The following ULK4 variants were observed in gnomAD, a reference collection of about 807,000 sequenced individuals.
ULK4 encodes inactive serine/threonine-protein kinase ULK4.
ULK4 carries 133 observed loss-of-function variants against 160.6 expected under a neutral mutation model. The ratio of observed to expected loss-of-function variants is 0.83; its 90% CI spans 0.72 to 0.96. ULK4 has a LOEUF of 0.96. Ranked by LOEUF, ULK4 falls within the 40% of genes least tolerant of loss-of-function variation. The pLI, the probability that ULK4 is intolerant of heterozygous loss-of-function variation, is 0.00. For synonymous variants in ULK4, 534 were observed against 539.8 expected (o/e 0.99, Z 0.15); for missense variants, 1,580 against 1,499.5 (o/e 1.05, Z -0.89).
At chr3:41,584,298 C>CT in intron 31 of ULK4, among the ~76,000 whole-genome samples, 1 of 152,094 alleles carries the variant, frequency 6.6e-6, no homozygotes, top group South Asian at 2.1e-4. Flanking sequence ...GATATAATAA[C>CT]TTTTTTCTTT....
chr3:41,819,736 A>T (rs1270390625), intron 18 of ULK4, among the ~76,000 whole-genome samples: 2 of 152,218 alleles, frequency 1.3e-5, no homozygotes, highest in African/African-American at 4.8e-5. Flanking sequence ...TGTGGGTAAG[A>T]TCCCCTCATT....
At chr3:41,401,084 T>G (rs1575515374) in intron 34 of ULK4, among the ~76,000 whole-genome samples, 1 of 152,026 alleles carries the variant, frequency 6.6e-6, no homozygotes, top group Admixed American at 6.6e-5. Flanking sequence ...AGTCTGTAGC[T>G]TGCCTTTTCA....
chr3:41,611,647 A>C (rs2032682903), intron 31 of ULK4, among the ~76,000 whole-genome samples: 1 of 151,594 alleles, frequency 6.6e-6, no homozygotes, highest in Admixed American at 6.6e-5. Context: ...TCAAGTTTCC[A>C]GTACATGCCC....
intron 31 of ULK4, among the ~76,000 whole-genome samples, chr3:41,574,445 G>A (rs1444668598): frequency 6.7e-6 from 1 of 149,828 alleles, no homozygotes; most frequent in Admixed American, 6.7e-5. Flanking sequence ...CTAACATCAG[G>A]CAATTGGCAT....
At chr3:41,788,714 G>T (rs9852020) in intron 21 of ULK4, among the ~76,000 whole-genome samples, 26,277 of 151,364 alleles carry the variant, frequency 0.17, 5,949 homozygotes, top group African/African-American at 0.52. Context: ...AAAAGAAAAA[G>T]AAAATGACTG....
chr3:41,531,627 T>C (rs1256913109), intron 32 of ULK4, among the ~76,000 whole-genome samples: 4 of 152,184 alleles, frequency 2.6e-5, no homozygotes, highest in Non-Finnish European at 4.4e-5. Flanking sequence ...AAGTGTGGTA[T>C]TACTATAATT....
chr3:41,430,444 T>C, intron 34 of ULK4, among the ~76,000 whole-genome samples: 1 of 152,182 alleles, frequency 6.6e-6, no homozygotes, highest in East Asian at 1.9e-4. Flanking sequence ...TACTGTGAGC[T>C]CTGCTTCGTG....
intron 35 of ULK4, among the ~76,000 whole-genome samples, chr3:41,295,477 G>T (rs1166643824): frequency 7.5e-6 from 1 of 132,734 alleles, no homozygotes; most frequent in Non-Finnish European, 1.7e-5. Context: ...TGATAAGCTG[G>T]GTTTTGTTAA....
chr3:41,698,207 T>G (rs1160696252), intron 27 of ULK4, among the ~76,000 whole-genome samples: 1 of 152,200 alleles, frequency 6.6e-6, no homozygotes, highest in Non-Finnish European at 1.5e-5. Context: ...TGTATCTCCA[T>G]CTTTAAGCAA....
rs1301800775 is a variant in ULK4 at position 41,347,105 on chromosome 3, G to T, written c.3678+50974C>A. Among the ~76,000 whole-genome samples, 3 of 152,076 alleles carry T rather than the reference G, an allele frequency of 2.0e-5. No homozygotes were observed. The East Asian group carries it at 5.8e-4, about 29-fold the overall frequency. On this transcript the variant is annotated intron_variant, in intron 35 of 36. Coordinates refer to ENST00000301831, the MANE Select transcript of ULK4 (RefSeq NM_017886.4). The stretch of plus-strand genomic sequence containing the variant: ...AACCCACATAGGATTCATAAGTAAA[G>T]ATTTATACCTTTTTCTGAATAAAGC...
chr3:41,698,234 C>T (rs2036562430), intron 27 of ULK4, among the ~76,000 whole-genome samples: 1 of 152,210 alleles, frequency 6.6e-6, no homozygotes, highest in Non-Finnish European at 1.5e-5. Context: ...ACTGTATATA[C>T]AAGCTGAGCA....
At chr3:41,389,378 G>A (rs564983862) in intron 35 of ULK4, among the ~76,000 whole-genome samples, 7 of 152,194 alleles carry the variant, frequency 4.6e-5, no homozygotes, top group African/African-American at 1.7e-4. Context: ...TCTCCTGCCT[G>A]ATTACCCTGG....
chr3:41,887,217 G>A (rs1244687129), intron 16 of ULK4, among the ~76,000 whole-genome samples: 1 of 152,168 alleles, frequency 6.6e-6, no homozygotes, highest in Non-Finnish European at 1.5e-5. Context: ...TCTTATGCCT[G>A]GTAGGCACAA....
intron 25 of ULK4, among the ~76,000 whole-genome samples, chr3:41,713,507 G>T (rs2037170785): frequency 6.6e-6 from 1 of 152,100 alleles, no homozygotes; most frequent in South Asian, 2.1e-4. Flanking sequence ...AATAATTCAA[G>T]AATTCTGGGA....
intron 22 of ULK4, among the ~76,000 whole-genome samples, chr3:41,749,647 A>C (rs990446685): frequency 1.3e-5 from 2 of 152,186 alleles, no homozygotes; most frequent in African/African-American, 4.8e-5. Flanking sequence ...TGATGGGTTT[A>C]TTGAAATGTA....
chr3:41,347,849 T>C (rs1220972495), intron 35 of ULK4, among the ~76,000 whole-genome samples: 3 of 152,154 alleles, frequency 2.0e-5, no homozygotes, highest in Admixed American at 6.5e-5. Context: ...TACCTGTTAC[T>C]TGTATGCGCA....
intron 30 of ULK4, among the ~76,000 whole-genome samples, chr3:41,653,622 G>C (rs1222520829): frequency 6.6e-6 from 1 of 152,164 alleles, no homozygotes; most frequent in Admixed American, 6.5e-5. Flanking sequence ...TTCCTTTAAA[G>C]CAAGAATCAG....
chr3:41,557,663 G>A (rs1231511904), intron 32 of ULK4, among the ~76,000 whole-genome samples: 1 of 151,698 alleles, frequency 6.6e-6, no homozygotes, highest in Non-Finnish European at 1.5e-5. Flanking sequence ...TTACTTGGGA[G>A]GCTGAAGTGG....
chr3:41,942,079 C>A (rs1699975838), intron 2 of ULK4, among the ~76,000 whole-genome samples: 1 of 152,214 alleles, frequency 6.6e-6, no homozygotes, highest in South Asian at 2.1e-4. Flanking sequence ...ACTCCACAGA[C>A]CTGCGGTGTT....
Sources: gnomAD v4.1 joint callset for allele counts (sites outside exome capture counted in the v4.1 genomes callset) on GRCh38, gnomAD v4.1.1 for gene constraint, MANE v1.5 for transcripts, NCBI Gene and HGNC (gene_info 2026-07-23, HGNC 2026-07-21) for gene names.